CPQ: variants seen among roughly 807,000 people sequenced by gnomAD.
CPQ encodes the protein carboxypeptidase Q.
Under a neutral mutation model 45.7 loss-of-function variants are expected in CPQ, and 37 were observed. The observed-to-expected ratio is 0.81, with a 90% confidence interval of 0.62 to 1.07. The LOEUF (loss-of-function observed/expected upper bound fraction) is 1.07. Ranked by LOEUF, CPQ falls within the 50% of genes least tolerant of loss-of-function variation. The pLI is 0.00. For missense variants in CPQ, 537 were observed against 572.9 expected (o/e 0.94, Z 0.64); for synonymous variants, 186 against 205.8 (o/e 0.90, Z 0.82).
intron 6 of CPQ, among the ~76,000 whole-genome samples, chr8:97,032,990 C>T (rs1345700733): frequency 2.6e-5 from 4 of 152,002 alleles, no homozygotes; most frequent in East Asian, 1.9e-4. Flanking sequence ...GCATGTTAGT[C>T]GTGAGGAAGG....
intron 5 of CPQ, among the ~76,000 whole-genome samples, chr8:97,002,780 T>C (rs1215777093): frequency 1.3e-5 from 2 of 152,180 alleles, no homozygotes; most frequent in Non-Finnish European, 2.9e-5. Context: ...TAGGTCCATT[T>C]GATCCAGGGC....
chr8:97,077,726 T>A (rs1054430838), intron 7 of CPQ, among the ~76,000 whole-genome samples: 32 of 152,212 alleles, frequency 2.1e-4, no homozygotes, highest in African/African-American at 7.7e-4. Context: ...AGAATTTTTT[T>A]AAATTGTCAC....
At chr8:97,101,917 T>G (rs972015785) in intron 7 of CPQ, among the ~76,000 whole-genome samples, 3 of 12,704 alleles carry the variant, frequency 2.4e-4, no homozygotes, top group African/African-American at 3.3e-4. Context: ...TTGGTGGCTC[T>G]CTCTCTCTCT....
chr8:96,823,701 A>G (rs1342318943), intron 2 of CPQ, among the ~76,000 whole-genome samples: 1 of 151,984 alleles, frequency 6.6e-6, no homozygotes, highest in African/African-American at 2.4e-5. Flanking sequence ...AAATAAATAA[A>G]GTATTTTATA....
rs771671186 is a variant in CPQ at position 97,029,427 on chromosome 8, G to A, written c.986G>A (p.Arg329Gln). The A allele has an allele frequency of 1.9e-5, 31 of 1,607,848 alleles. No individual in the cohort carries two copies. Among genetic ancestry groups the A allele is most frequent in the African/African-American group, 5.3e-5 (4 of 74,814 alleles). Residue 329 changes from arginine to glutamine, a missense_variant, in exon 6 of 8, where the codon CGG becomes CAG. Coordinates refer to ENST00000220763, the MANE Select transcript of CPQ (RefSeq NM_016134.4). ...GGGCTGCGTCCAAAGAGGACTCTGC[G>A]GCTGGTGCTCTGGACTGCAGAAGAA... ...DLGLRPKRTL[R>Q]LVLWTAEEQG...
chr8:96,736,263 G>T (rs1205298670), intron 1 of CPQ, among the ~76,000 whole-genome samples: 1 of 152,138 alleles, frequency 6.6e-6, no homozygotes, highest in Non-Finnish European at 1.5e-5. Context: ...GTAACTTGAG[G>T]TTCTATGGTC....
intron 1 of CPQ, among the ~76,000 whole-genome samples, chr8:96,714,569 G>T (rs1219950613): frequency 6.6e-6 from 1 of 151,750 alleles, no homozygotes; most frequent in African/African-American, 2.4e-5. Context: ...AAATTATGTT[G>T]GTTTTTATCT....
chr8:96,836,038 G>C (rs1811525337), intron 3 of CPQ, among the ~76,000 whole-genome samples: 4 of 152,138 alleles, frequency 2.6e-5, no homozygotes, highest in African/African-American at 9.7e-5. Flanking sequence ...ATACGTTAAG[G>C]ATAAAATATT....
intron 1 of CPQ, among the ~76,000 whole-genome samples, chr8:96,687,364 C>T (rs974290317): frequency 6.6e-6 from 1 of 152,010 alleles, no homozygotes; most frequent in Non-Finnish European, 1.5e-5. Context: ...AGACGCACAC[C>T]ACCACTCCTG....
intron 5 of CPQ, among the ~76,000 whole-genome samples, chr8:97,015,227 G>A (rs765981706): frequency 9.9e-5 from 15 of 152,056 alleles, no homozygotes; most frequent in Non-Finnish European, 1.8e-4. Context: ...GTGTGATTCA[G>A]AGTTCAAATC....
At chr8:97,082,968 G>A (rs1810978198) in intron 7 of CPQ, among the ~76,000 whole-genome samples, 1 of 152,166 alleles carries the variant, frequency 6.6e-6, no homozygotes, top group South Asian at 2.1e-4. Flanking sequence ...TTAACATTTG[G>A]ATTGTTCTAA....
intron 4 of CPQ, among the ~76,000 whole-genome samples, chr8:96,926,357 G>A (rs1213647272): frequency 6.6e-6 from 1 of 152,100 alleles, no homozygotes; most frequent in African/African-American, 2.4e-5. Flanking sequence ...CTATCACTTT[G>A]GGGTGGGGCT....
chr8:97,025,084 C>CT (rs1809774832), intron 5 of CPQ, among the ~76,000 whole-genome samples: 1 of 152,136 alleles, frequency 6.6e-6, no homozygotes, highest in African/African-American at 2.4e-5. Flanking sequence ...CTGGATTAAT[C>CT]TTTTTCTGCT....
At chr8:96,860,643 A>G (rs1242759597) in intron 3 of CPQ, among the ~76,000 whole-genome samples, 1 of 152,038 alleles carries the variant, frequency 6.6e-6, no homozygotes, top group African/African-American at 2.4e-5. Context: ...AGCCAACAGG[A>G]GCTCTTCCAG....
At chr8:97,083,932 A>AT (rs1214154748) in intron 7 of CPQ, among the ~76,000 whole-genome samples, 3 of 151,890 alleles carry the variant, frequency 2.0e-5, no homozygotes, top group Non-Finnish European at 4.4e-5. Flanking sequence ...CACTTATTTT[A>AT]TTTTTTTTCA....
intron 7 of CPQ, among the ~76,000 whole-genome samples, chr8:97,140,332 T>C (rs2130633214): frequency 6.6e-6 from 1 of 151,636 alleles, no homozygotes; most frequent in East Asian, 2.0e-4. Flanking sequence ...AGGAAATAAA[T>C]AATTCTAATC....
intron 2 of CPQ, among the ~76,000 whole-genome samples, chr8:96,818,136 G>T (rs1016718835): frequency 3.3e-5 from 5 of 151,908 alleles, no homozygotes; most frequent in Non-Finnish European, 7.4e-5. Flanking sequence ...TTTCAATGGT[G>T]TTGTATCTTA....
chr8:96,662,389 G>A (rs967047922), intron 1 of CPQ, among the ~76,000 whole-genome samples: 18 of 152,168 alleles, frequency 1.2e-4, no homozygotes, highest in African/African-American at 4.3e-4. Context: ...AACAATTTTT[G>A]ATAATCGCAT....
chr8:96,949,172 C>T (rs897839708), intron 4 of CPQ, among the ~76,000 whole-genome samples: 2 of 151,706 alleles, frequency 1.3e-5, no homozygotes, highest in Non-Finnish European at 2.9e-5. Context: ...TTTAATATTG[C>T]GGTTTCATTA....
Sources: allele counts gnomAD v4.1 joint callset (sites outside exome capture counted in the v4.1 genomes callset), GRCh38; gene constraint gnomAD v4.1.1; transcripts MANE v1.5; gene names NCBI Gene and HGNC (gene_info 2026-07-23, HGNC 2026-07-21).